Variants in SYT16 observed in about 807,000 individuals in gnomAD.
SYT16 encodes synaptotagmin-16.
SYT16 carries 42 observed loss-of-function variants against 61.4 expected under a neutral mutation model. The ratio of observed to expected loss-of-function variants is 0.68; its 90% CI spans 0.53 to 0.89. The LOEUF (loss-of-function observed/expected upper bound fraction) is 0.89, where lower values mean the gene tolerates loss of function less well. Among genes scored for constraint, SYT16 ranks in the 40% least tolerant of loss-of-function variants. SYT16 has a pLI of 0.00. For synonymous variants in SYT16, 314 were observed against 302.3 expected (o/e 1.04, Z -0.40); for missense variants, 804 against 807.3 (o/e 1.00, Z 0.05).
At chr14:61,867,843 TC>T (rs2047207175) in intron 1 of SYT16, among the ~76,000 whole-genome samples, 1 of 152,086 alleles carries the variant, frequency 6.6e-6, no homozygotes, top group Non-Finnish European at 1.5e-5. Flanking sequence ...TTCCTTCTAT[TC>T]CTAGTTTGCT....
rs1317245931 is a variant in SYT16 at position 62,111,476 on chromosome 14, CTG to C, written c.*10772_*10773del. On this transcript the variant is annotated 3_prime_UTR_variant, in exon 8 of 8. Transcript: ENST00000683842. The stretch of plus-strand genomic sequence containing the variant: ...TAATACATTATTTATATGTGCTAGA[CTG>C]TGCTGAGTTTTGGTGGTTGTCAAAG... The C allele has an allele frequency of 6.6e-6, 1 of 152,068 alleles. No individual in the cohort carries two copies. Among genetic ancestry groups the C allele is most frequent in the Non-Finnish European group, 1.5e-5 (1 of 67,966 alleles). The allele number at this position is 152,068 out of a possible 1,614,324, so 9.4% of individuals were successfully genotyped here. A position where few individuals can be genotyped will look rare whatever the true frequency, so the allele number is the denominator to read the frequency against.
At chr14:61,985,169 C>G (rs1031848922) in intron 2 of SYT16, among the ~76,000 whole-genome samples, 3 of 152,104 alleles carry the variant, frequency 2.0e-5, no homozygotes, top group African/African-American at 7.2e-5. Context: ...TTGATAACCA[C>G]TAATGAAGAA....
rs1034860904 is a variant in SYT16 at position 62,110,045 on chromosome 14, G to A, written c.*9338G>A. The A allele has an allele frequency of 6.6e-6, 1 of 152,174 alleles. No individual in the cohort carries two copies. Among genetic ancestry groups the A allele is most frequent in the Non-Finnish European group, 1.5e-5 (1 of 68,022 alleles). The allele number at this position is 152,174 out of a possible 1,614,324, so 9.4% of individuals were successfully genotyped here. A position where few individuals can be genotyped will look rare whatever the true frequency, so the allele number is the denominator to read the frequency against. ...GGGTGAAGGGGGAGGCCTGGCCAATGATTTGTATCTGAGAAACATTTTGAG... is the reference window on the plus strand; with the variant it reads ...GGGTGAAGGGGGAGGCCTGGCCAATAATTTGTATCTGAGAAACATTTTGAG... On this transcript the variant is annotated 3_prime_UTR_variant, in exon 8 of 8. Coordinates refer to ENST00000683842, the MANE Select transcript of SYT16 (RefSeq NM_001367656.1).
At chr14:61,827,098 A>G (rs2045795988) in intron 1 of SYT16, among the ~76,000 whole-genome samples, 2 of 150,152 alleles carry the variant, frequency 1.3e-5, no homozygotes, top group African/African-American at 2.5e-5. Flanking sequence ...GCCTCAACAT[A>G]TGAATTTTGG....
At chr14:62,035,250 A>G (rs75597603) in intron 3 of SYT16, among the ~76,000 whole-genome samples, 1 of 152,194 alleles carries the variant, frequency 6.6e-6, no homozygotes, top group Non-Finnish European at 1.5e-5. Context: ...AGAACTCAGC[A>G]TGCAGCAGTT....
chr14:61,852,027 C>A lies in SYT16; in HGVS notation c.-325+39217C>A, dbSNP rs190898883. Among the ~76,000 whole-genome samples, 5 of 152,234 alleles carry A rather than the reference C, an allele frequency of 3.3e-5. No individual in the cohort carries two copies. The East Asian group carries it at 9.6e-4, about 29-fold the overall frequency. On this transcript the variant is annotated intron_variant, in intron 1 of 7. Transcript: ENST00000683842. ...CTATATCCTGTATTGCCTAGATTTT[C>A]TTCCAGAGTTTTTATAGTTTTGGGT...
In SYT16 at chr14:61,944,477, C is replaced by A. The variant is rs533583098; in HGVS notation, c.-324-25655C>A. On this transcript the variant is annotated intron_variant, in intron 1 of 7. Transcript: ENST00000683842. ...CTGGAGGCATCACGCTACCTGACTT[C>A]TAACTATACTACAAGGCTACAGTAA... Among the ~76,000 whole-genome samples, 2 of 152,300 alleles carry A rather than the reference C, an allele frequency of 1.3e-5. 1 individual carries two copies. The highest frequency in any genetic ancestry group is 4.8e-5 in the African/African-American group (2 of 41,560).
chr14:61,831,189 A>C (rs2045925137), intron 1 of SYT16, among the ~76,000 whole-genome samples: 1 of 152,224 alleles, frequency 6.6e-6, no homozygotes, highest in Admixed American at 6.5e-5. Context: ...AAGATCCTGC[A>C]GCAGTTATCC....
intron 1 of SYT16, among the ~76,000 whole-genome samples, chr14:61,867,507 G>T (rs1341374993): frequency 6.6e-6 from 1 of 151,870 alleles, no homozygotes; most frequent in Non-Finnish European, 1.5e-5. Context: ...ACTATGAATT[G>T]GAATCTACAT....
At chr14:61,948,412 C>G (rs1379663145) in intron 1 of SYT16, among the ~76,000 whole-genome samples, 2 of 147,358 alleles carry the variant, frequency 1.4e-5, no homozygotes, top group Non-Finnish European at 3.0e-5. Flanking sequence ...TTTTAAAAAA[C>G]TAAAAAAAAA....
At chr14:62,074,646 G>C (rs2056418338) in intron 4 of SYT16, among the ~76,000 whole-genome samples, 2 of 152,280 alleles carry the variant, frequency 1.3e-5, no homozygotes, top group East Asian at 3.9e-4. Flanking sequence ...TTTAAACTCG[G>C]ATCATACCAA....
At chr14:61,898,131 C>T (rs568858885) in intron 1 of SYT16, among the ~76,000 whole-genome samples, 1 of 152,112 alleles carries the variant, frequency 6.6e-6, no homozygotes, top group African/African-American at 2.4e-5. Context: ...AGAAAATGTG[C>T]CAATTCTTAG....
rs768005263 is a variant in SYT16 at position 62,100,355 on chromosome 14, T to C, written c.1625-39T>C. ...TAGCCAAACAGAGAGCACTAATGTT[T>C]CTTATCATCCCCACCCCACCCTTTT... On this transcript the variant is annotated intron_variant, in intron 7 of 7. Transcript: ENST00000683842. 7.3e-6 allele frequency: 11 copies of C among 1,504,642 alleles called. No homozygotes were observed. In the African/African-American group the frequency reaches 1.5e-4, roughly 21 times the overall value. 93.2% of individuals were successfully genotyped at this position (1,504,642 alleles called of 1,614,324 possible).
chr14:62,026,831 T>C (rs2054120631), intron 3 of SYT16, among the ~76,000 whole-genome samples: 1 of 152,218 alleles, frequency 6.6e-6, no homozygotes, highest in South Asian at 2.1e-4. Flanking sequence ...GTATAGGTAC[T>C]TTGACACTTT....
intron 1 of SYT16, among the ~76,000 whole-genome samples, chr14:61,861,725 T>C (rs1258420676): frequency 6.6e-6 from 1 of 151,990 alleles, no homozygotes; most frequent in Non-Finnish European, 1.5e-5. Flanking sequence ...AATTCTTACA[T>C]AGGCATATTT....
intron 1 of SYT16, among the ~76,000 whole-genome samples, chr14:61,838,450 G>A (rs1321919576): frequency 6.6e-6 from 1 of 152,146 alleles, no homozygotes; most frequent in Non-Finnish European, 1.5e-5. Context: ...CGACCACCCT[G>A]AGAGAGAATG....
chr14:62,067,721 CT>C (rs2056119534), intron 3 of SYT16, among the ~76,000 whole-genome samples: 1 of 152,206 alleles, frequency 6.6e-6, no homozygotes, highest in Non-Finnish European at 1.5e-5. Flanking sequence ...TAACAATAGG[CT>C]GGGGGCATGG....
chr14:61,829,111 A>T (rs2045858940), intron 1 of SYT16, among the ~76,000 whole-genome samples: 1 of 152,226 alleles, frequency 6.6e-6, no homozygotes, highest in Non-Finnish European at 1.5e-5. Context: ...TCATTTTTAT[A>T]ATAGTATCTA....
chr14:61,920,111 G>T (rs990560453), intron 1 of SYT16, among the ~76,000 whole-genome samples: 1 of 152,080 alleles, frequency 6.6e-6, no homozygotes, highest in Non-Finnish European at 1.5e-5. Flanking sequence ...GCTGATGCTG[G>T]TCCTTTGGCC....
Sources: allele counts gnomAD v4.1 joint callset (sites outside exome capture counted in the v4.1 genomes callset), GRCh38; gene constraint gnomAD v4.1.1; transcripts MANE v1.5; gene names NCBI Gene and HGNC (gene_info 2026-07-23, HGNC 2026-07-21).